TEX2: variants seen among roughly 807,000 people sequenced by gnomAD.
TEX2 encodes the protein testis expressed 2, also known as testis-expressed protein 2.
A neutral mutation model predicts 106.9 loss-of-function variants in TEX2; 53 were observed. The ratio of observed to expected loss-of-function variants is 0.50; its 90% CI spans 0.40 to 0.62. The LOEUF is 0.62. TEX2 is among the 20% of genes least tolerant of loss of function. The pLI is 0.00. For missense variants in TEX2, 1,207 were observed against 1,379.0 expected, an observed-to-expected ratio of 0.88 and a Z score of 1.98; for synonymous variants, 523 against 534.8, an observed-to-expected ratio of 0.98 and a Z score of 0.30.
intron 11 of TEX2, chr17:64,149,697 C>G (rs2030244043): frequency 6.6e-6 from 1 of 152,394 alleles, no homozygotes; most frequent in African/African-American, 2.4e-5. Flanking sequence ...GTGGGCAGAT[C>G]ACGAGGTTAG....
At chr17:64,191,112 C>G (rs550238266) in intron 4 of TEX2, among the ~76,000 whole-genome samples, 2 of 152,136 alleles carry the variant, frequency 1.3e-5, no homozygotes, top group Admixed American at 1.3e-4. Flanking sequence ...CCATAAATAT[C>G]TCAATTCATA....
At chr17:64,163,298 T>C (rs2030970423) in intron 7 of TEX2, among the ~76,000 whole-genome samples, 1 of 151,824 alleles carries the variant, frequency 6.6e-6, no homozygotes, top group Non-Finnish European at 1.5e-5. Context: ...CTAACATATA[T>C]ATATATTTTA....
At chr17:64,212,199 A>G (rs961814069) in intron 2 of TEX2, among the ~76,000 whole-genome samples, 3 of 152,164 alleles carry the variant, frequency 2.0e-5, no homozygotes, top group Non-Finnish European at 2.9e-5. Flanking sequence ...TCCTCTTGCA[A>G]TTCCGGGAGT....
chr17:64,253,065 C>T (rs934490245), intron 1 of TEX2, among the ~76,000 whole-genome samples: 9 of 152,204 alleles, frequency 5.9e-5, no homozygotes, highest in Admixed American at 1.3e-4. Flanking sequence ...TAAACATGTT[C>T]GGAATGTAGA....
At chr17:64,214,558 C>T (rs1395909292) in intron 1 of TEX2, among the ~76,000 whole-genome samples, 1 of 152,146 alleles carries the variant, frequency 6.6e-6, no homozygotes, top group Non-Finnish European at 1.5e-5. Flanking sequence ...TATCTTAAGC[C>T]TTAAAATACC....
chr17:64,202,081 A>G (rs2032682726), intron 2 of TEX2, among the ~76,000 whole-genome samples: 1 of 138,874 alleles, frequency 7.2e-6, no homozygotes, highest in African/African-American at 2.5e-5. Context: ...TCTAAAAAAG[A>G]AAAACCAAGG....
At chr17:64,246,967 CAG>C in intron 1 of TEX2, among the ~76,000 whole-genome samples, 2 of 152,224 alleles carry the variant, frequency 1.3e-5, no homozygotes, top group East Asian at 3.9e-4. Context: ...ATTCAGGATA[CAG>C]AAAAATAAAG....
intron 2 of TEX2, among the ~76,000 whole-genome samples, chr17:64,204,906 T>G (rs2032782027): frequency 6.6e-6 from 1 of 152,208 alleles, no homozygotes; most frequent in South Asian, 2.1e-4. Flanking sequence ...GGCAAAATGT[T>G]GACAATTGTT....
chr17:64,168,363 A>G (rs1369744934), intron 7 of TEX2, among the ~76,000 whole-genome samples: 1 of 152,152 alleles, frequency 6.6e-6, no homozygotes, highest in Non-Finnish European at 1.5e-5. Flanking sequence ...TTCCTTTAAT[A>G]CCATTTTCTC....
chr17:64,175,559 A>T (rs968930515), intron 6 of TEX2, among the ~76,000 whole-genome samples: 14 of 152,028 alleles, frequency 9.2e-5, no homozygotes, highest in Non-Finnish European at 1.6e-4. Context: ...GAAGGGTGGG[A>T]CCTCTCAAAC....
chr17:64,181,548 C>T (rs1051275955), intron 5 of TEX2, among the ~76,000 whole-genome samples: 2 of 151,092 alleles, frequency 1.3e-5, no homozygotes, highest in African/African-American at 4.9e-5. Flanking sequence ...GAAGGAGTCT[C>T]GCTCTGTCGC....
chr17:64,225,450 A>G (rs1460818208), intron 1 of TEX2, among the ~76,000 whole-genome samples: 1 of 152,180 alleles, frequency 6.6e-6, no homozygotes, highest in East Asian at 1.9e-4. Flanking sequence ...TGAGTTCAGG[A>G]GCAGGCAATC....
At chr17:64,174,015 AT>A (rs771635103) in intron 6 of TEX2, among the ~76,000 whole-genome samples, 147 of 146,552 alleles carry the variant, frequency 1.0e-3, no homozygotes, top group African/African-American at 2.0e-3. Flanking sequence ...CGCTTGGATA[AT>A]TTTTTTTTTT....
At position 64,148,919 on chromosome 17, in the gene TEX2, CCA is replaced by C. The variant is rs1444868535; in HGVS notation, c.*48_*49del. On this transcript the variant is annotated 3_prime_UTR_variant, in exon 12 of 12. Coordinates refer to ENST00000584379, the MANE Select transcript of TEX2 (RefSeq NM_001288732.2). Reference sequence around the variant, plus strand: ...ACAGTACAGATGGCGGCCAAGAACCCCACACATCCAGCTCGATGTCACAATAT... The same window carrying C: ...ACAGTACAGATGGCGGCCAAGAACCCCACATCCAGCTCGATGTCACAATAT... The C allele has an allele frequency of 6.2e-7, 1 of 1,610,428 alleles. No individual in the cohort carries two copies.
chr17:64,206,505 C>A (rs1199895685), intron 2 of TEX2, among the ~76,000 whole-genome samples: 1 of 145,158 alleles, frequency 6.9e-6, no homozygotes, highest in African/African-American at 2.6e-5. Context: ...CCTAAGAATT[C>A]TTCTGTGGAC....
rs560278805 is a variant in TEX2, at chr17:64,213,570, T to C, written c.648A>G (p.Thr216=). The change falls in exon 2 of 12, where the codon ACA becomes ACG. Residue 216 remains threonine (T), a synonymous_variant. Transcript: ENST00000584379. The surrounding 1 kb of genome is among the most constrained non-coding windows in gnomAD (Gnocchi z 4.4). ...HPARHRHLMK[T]LVKSLSTDTS... is the part of the protein sequence containing the mutation. ...TGTCCGTGGACAGAGACTTGACTAA[T>C]GTCTTCATCAAGTGCCTGTGCCTTG... The C allele has an allele frequency of 2.2e-5, 36 of 1,614,150 alleles. No homozygotes were observed. In the African/African-American group the frequency reaches 3.5e-4, roughly 16 times the overall value.
chr17:64,151,091 C>A, intron 10 of TEX2, 130 bp from the exon 11 acceptor site: 1 of 1,099,924 alleles, frequency 9.1e-7, no homozygotes. Context: ...TGAAAATGCC[C>A]TCTAAAAATA....
At chr17:64,197,920 T>C (rs977672055) in intron 2 of TEX2, among the ~76,000 whole-genome samples, 3 of 152,194 alleles carry the variant, frequency 2.0e-5, no homozygotes, top group African/African-American at 7.2e-5. Flanking sequence ...ACCTGCAATT[T>C]CTGATAGGTT....
rs150436719 is a variant in TEX2 at position 64,213,798 on chromosome 17, C to T, written c.420G>A (p.Ser140=). The change falls in exon 2 of 12, where the codon TCG becomes TCA. Residue 140 remains serine (S), a synonymous_variant. Transcript: ENST00000584379. This position sits in a 1 kb window ranked among gnomAD's most constrained non-coding sequence, Gnocchi z 4.4. ...VPLAVSPGSS[S]SGPLASSPSV... is the part of the protein sequence containing the mutation. ...TGGGAGAGCTAGCTAAGGGCCCCGA[C>T]GAAGACGACCCTGGGGACACAGCCA... The T allele has an allele frequency of 2.0e-5, 32 of 1,614,070 alleles. No homozygotes were observed. Among genetic ancestry groups the T allele is most frequent in the Middle Eastern group, 1.6e-4 (1 of 6,084 alleles).
Sources: allele counts gnomAD v4.1 joint callset (sites outside exome capture counted in the v4.1 genomes callset), GRCh38; gene constraint gnomAD v4.1.1; non-coding constraint Gnocchi (gnomAD v3.1); transcripts MANE v1.5; gene names NCBI Gene and HGNC (gene_info 2026-07-23, HGNC 2026-07-21).